PTPRG: variants seen among roughly 807,000 people sequenced by gnomAD.
PTPRG encodes the protein protein tyrosine phosphatase receptor type G, also known as receptor-type tyrosine-protein phosphatase gamma.
PTPRG carries 102 observed loss-of-function variants against 165.3 expected under a neutral mutation model. That is an observed-to-expected ratio of 0.62 (90% CI 0.53 to 0.73). The LOEUF is 0.73. Ranked by LOEUF, PTPRG falls within the 30% of genes least tolerant of loss-of-function variation. The probability of loss-of-function intolerance (pLI) is 0.00; values close to 1 mark genes in which losing one functional copy is unlikely to be tolerated. For missense variants in PTPRG, 1,866 were observed against 1,861.4 expected, an observed-to-expected ratio of 1.00 and a Z score of -0.05; for synonymous variants, 675 against 669.5, an observed-to-expected ratio of 1.01 and a Z score of -0.13.
chr3:62,052,104 T>C (rs1317076187), intron 4 of PTPRG, among the ~76,000 whole-genome samples: 1 of 152,202 alleles, frequency 6.6e-6, no homozygotes, highest in African/African-American at 2.4e-5. Context: ...GTCTATGCTT[T>C]TTTGATATAT....
chr3:61,757,619 A>C (rs2033673830), intron 2 of PTPRG, among the ~76,000 whole-genome samples: 1 of 152,226 alleles, frequency 6.6e-6, no homozygotes, highest in Non-Finnish European at 1.5e-5. Flanking sequence ...AGATTTATTG[A>C]GCAAAGCAGT....
intron 5 of PTPRG, among the ~76,000 whole-genome samples, chr3:62,095,593 C>T (rs1008300021): frequency 7.9e-5 from 12 of 152,130 alleles, no homozygotes; most frequent in Admixed American, 2.0e-4. Context: ...TTAGAGAATA[C>T]CTGTGTGGCC....
intron 14 of PTPRG, 57 bp from the exon 15 acceptor site, chr3:62,243,749 AG>A: frequency 9.2e-7 from 1 of 1,087,022 alleles, no homozygotes; most frequent in East Asian, 2.4e-5. Context: ...AATTAAAAGA[AG>A]ATGAACTCAA....
At chr3:61,660,725 G>A (rs1003627567) in intron 1 of PTPRG, among the ~76,000 whole-genome samples, 1 of 152,148 alleles carries the variant, frequency 6.6e-6, no homozygotes, top group Non-Finnish European at 1.5e-5. Flanking sequence ...AACCTGACTG[G>A]ATGCGTTGGC....
chr3:62,164,676 C>T (rs1184327994), intron 7 of PTPRG, among the ~76,000 whole-genome samples: 1 of 152,186 alleles, frequency 6.6e-6, no homozygotes, highest in Non-Finnish European at 1.5e-5. Context: ...GCTTTTAAAC[C>T]GTAGCATGTC....
chr3:61,645,319 C>G (rs571904819), intron 1 of PTPRG, among the ~76,000 whole-genome samples: 100 of 152,336 alleles, frequency 6.6e-4, no homozygotes, highest in African/African-American at 2.4e-3. Flanking sequence ...TGTGTGTTTG[C>G]CCACCTGTTG....
intron 2 of PTPRG, among the ~76,000 whole-genome samples, chr3:61,904,903 G>T (rs544161946): frequency 6.7e-6 from 1 of 148,638 alleles, no homozygotes; most frequent in Non-Finnish European, 1.5e-5. Context: ...GATTCTAATT[G>T]GAAAGCCTTT....
intron 1 of PTPRG, among the ~76,000 whole-genome samples, chr3:61,611,341 A>G (rs1342363162): frequency 6.6e-6 from 1 of 152,010 alleles, no homozygotes; most frequent in Non-Finnish European, 1.5e-5. Flanking sequence ...AAATGGAAAG[A>G]TGTACACAAA....
Position 62,049,125 on chromosome 3 carries a change from A to C in PTPRG, c.520-29038A>C, listed in dbSNP as rs200862520. 4.8e-3 allele frequency among the ~76,000 whole-genome samples: 482 copies of C among 100,600 alleles called. 4 individuals carry two copies. Among genetic ancestry groups the C allele is most frequent in the African/African-American group, 0.014 (444 of 31,566 alleles). The allele number at this position is 100,600 out of a possible 152,430, so 66.0% of individuals were successfully genotyped here. On this transcript the variant is annotated intron_variant, in intron 4 of 29. Coordinates refer to ENST00000474889, the MANE Select transcript of PTPRG (RefSeq NM_002841.4). ...AAAGTAAAAACAAAACAAAACAAAA[A>C]AAAAAACAGAAGCCGGGGAGAAACG...
chr3:62,206,755 A>G (rs984319656), intron 12 of PTPRG, among the ~76,000 whole-genome samples: 14 of 151,988 alleles, frequency 9.2e-5, no homozygotes, highest in African/African-American at 3.4e-4. Flanking sequence ...CAACATGGTG[A>G]AACCCCGTCT....
chr3:61,732,709 AAAATAAATAAAT>A (rs10593342), intron 1 of PTPRG, among the ~76,000 whole-genome samples: 4,444 of 143,074 alleles, frequency 0.031, 149 homozygotes, highest in African/African-American at 0.072. Flanking sequence ...ACTCCGTCTC[AAAATAAATAAAT>A]AAATAAATAA....
chr3:61,597,253 T>A (rs1396386725), intron 1 of PTPRG, among the ~76,000 whole-genome samples: 1 of 152,156 alleles, frequency 6.6e-6, no homozygotes, highest in Non-Finnish European at 1.5e-5. Context: ...CACATGACCT[T>A]TGGGCGACAG....
intron 4 of PTPRG, among the ~76,000 whole-genome samples, chr3:62,056,362 G>T (rs540441596): frequency 3.3e-5 from 5 of 152,134 alleles, no homozygotes; most frequent in Non-Finnish European, 5.9e-5. Flanking sequence ...TGTAGCCCAT[G>T]AGGGCTTTGA....
At chr3:62,232,531 T>C (rs1398034521) in intron 14 of PTPRG, among the ~76,000 whole-genome samples, 1 of 152,238 alleles carries the variant, frequency 6.6e-6, no homozygotes, top group East Asian at 1.9e-4. Flanking sequence ...ATTATAAATA[T>C]GTTGTGTTTT....
chr3:62,288,136 T>C (rs1459560690), intron 28 of PTPRG, among the ~76,000 whole-genome samples: 2 of 140,286 alleles, frequency 1.4e-5, no homozygotes, highest in Non-Finnish European at 3.1e-5. Context: ...AGCCAAACTG[T>C]ACTTAAAAAA....
rs1467525169 is a variant in PTPRG, at chr3:62,255,473, G to C, written c.2559+258G>C. On this transcript the variant is annotated intron_variant, in intron 16 of 29. Coordinates refer to ENST00000474889, the MANE Select transcript of PTPRG (RefSeq NM_002841.4). The surrounding 1 kb of genome is among the most constrained non-coding windows in gnomAD (Gnocchi z 4.0). ...GTGATAGAAAAGAAGCAAACTGGTA[G>C]GGATTGCTTTTCAGGTTCTTGCTAC... 1.3e-5 allele frequency among the ~76,000 whole-genome samples: 2 copies of C among 152,080 alleles called. No individual in the cohort carries two copies. The highest frequency in any genetic ancestry group is 2.9e-5 in the Non-Finnish European group (2 of 68,028).
At chr3:61,850,162 A>G (rs2036921016) in intron 2 of PTPRG, among the ~76,000 whole-genome samples, 1 of 151,650 alleles carries the variant, frequency 6.6e-6, no homozygotes, top group South Asian at 2.1e-4. Flanking sequence ...TTATTTATTT[A>G]TTTTTATTTT....
chr3:61,980,215 A>G (rs924358640), intron 2 of PTPRG, among the ~76,000 whole-genome samples: 1 of 152,192 alleles, frequency 6.6e-6, no homozygotes, highest in African/African-American at 2.4e-5. Flanking sequence ...TCTGGGTTGC[A>G]TCTCTGACTT....
intron 1 of PTPRG, among the ~76,000 whole-genome samples, chr3:61,647,603 A>C (rs891699743): frequency 1.4e-4 from 21 of 152,204 alleles, no homozygotes; most frequent in African/African-American, 4.6e-4. Context: ...ATCCTGGCTA[A>C]CACAGTGAAA....
Sources: gnomAD v4.1 joint callset for allele counts (sites outside exome capture counted in the v4.1 genomes callset) on GRCh38, gnomAD v4.1.1 for gene constraint, Gnocchi (gnomAD v3.1) non-coding constraint, MANE v1.5 for transcripts, NCBI Gene and HGNC (gene_info 2026-07-23, HGNC 2026-07-21) for gene names.